The following BCDIN3D variants were observed in gnomAD, a reference collection of about 807,000 sequenced individuals.
The protein encoded by BCDIN3D is RNA 5'-monophosphate methyltransferase.
A neutral mutation model predicts 21.2 loss-of-function variants in BCDIN3D; 15 were observed. The ratio of observed to expected loss-of-function variants is 0.71; its 90% confidence interval spans 0.47 to 1.09. The LOEUF (loss-of-function observed/expected upper bound fraction) is 1.09, where lower values mean the gene tolerates loss of function less well. BCDIN3D is among the 50% of genes least tolerant of loss of function. The pLI is 0.00. For synonymous variants in BCDIN3D, 127 were observed against 141.9 expected, an observed-to-expected ratio of 0.90 and a Z score of 0.75; for missense variants, 331 against 366.2, an observed-to-expected ratio of 0.90 and a Z score of 0.79.
chr12:49,839,889 T>C (rs969176287), intron 1 of BCDIN3D: 3 of 152,252 alleles, frequency 2.0e-5, no homozygotes, highest in African/African-American at 7.2e-5. Flanking sequence ...GGTTTCACCA[T>C]GTTGGCCAGG....
At position 49,839,023 on chromosome 12, in the gene BCDIN3D, A is replaced by T. The variant is rs772434005; in HGVS notation, c.235-8T>A. ...TAGAGCCACACTCAGATCCTAGAGG[A>T]ATCCAAAACAGCTTTGTCACTGCAG... On this transcript the variant is annotated splice_region_variant and splice_polypyrimidine_tract_variant and intron_variant, in intron 1 of 1. Transcript: ENST00000333924. 2.9e-5 allele frequency: 46 copies of T among 1,603,964 alleles called. No individual in the cohort carries two copies. In the South Asian group the frequency reaches 5.1e-4, roughly 18 times the overall value.
Position 49,838,507 on chromosome 12 carries a change from C to A in BCDIN3D, c.743G>T (p.Cys248Phe), listed in dbSNP as rs867006890. The change falls in exon 2 of 2, where the codon TGT (cysteine) becomes TTT (phenylalanine). Residue 248 changes from cysteine to phenylalanine, a missense_variant. By Grantham distance (205) the Cys-to-Phe change is radical. Transcript: ENST00000333924. The part of the protein sequence containing the change: ...LTQDHGMELI[C>F]CFGNTSWDRS... ...GTCCCAACTGGTGTTGCCAAAGCAACATATTAATTCCATGCCATGATCCTG... is the reference window on the plus strand; with the variant it reads ...GTCCCAACTGGTGTTGCCAAAGCAAAATATTAATTCCATGCCATGATCCTG... The A allele has an allele frequency of 6.2e-7, 1 of 1,614,158 alleles. No homozygotes were observed. Among genetic ancestry groups the A allele is most frequent in the African/African-American group, 1.3e-5 (1 of 75,004 alleles).
rs1249394538 is a variant in BCDIN3D, at chr12:49,838,735, A to G, written c.515T>C (p.Leu172Pro). Reference sequence around the variant, plus strand: ...CCATAGGCCATGGTCTCCATGATTCAGATGAATCCACATGGTTATTGACAT... The same window carrying G: ...CCATAGGCCATGGTCTCCATGATTCGGATGAATCCACATGGTTATTGACAT... ...FCMSITMWIHLNHGDHGLWEF... is the reference protein window; with the variant it reads ...FCMSITMWIHPNHGDHGLWEF... Residue 172 changes from leucine (L) to proline (P), a missense_variant, in exon 2 of 2, where the codon CTG (leucine) becomes CCG (proline). Transcript: ENST00000333924. 2 of 1,614,234 alleles carry G rather than the reference A, an allele frequency of 1.2e-6. No individual in the cohort carries two copies. The highest frequency in any genetic ancestry group is 2.7e-5 in the African/African-American group (2 of 75,064).
At position 49,838,390 on chromosome 12, in the gene BCDIN3D, A is replaced by C; in HGVS notation, c.860T>G (p.Leu287Ter). The C allele has an allele frequency of 1.2e-6, 2 of 1,605,268 alleles. No homozygotes were observed. Among genetic ancestry groups the C allele is most frequent in the South Asian group, 2.2e-5 (2 of 90,986 alleles). ...CCCATCTCACTGCTTCTGGAAACTT[A>C]ATCTGTTCTTTTCTTTCCCTTTTTC... ...LIEKGKEKNR[L>*]SFQKQ The change falls in exon 2 of 2, where the codon TTA (leucine) becomes TGA (stop). Residue 287 changes from leucine to a stop codon, truncating the protein, a stop_gained. Transcript: ENST00000333924. LOFTEE classifies it high-confidence loss of function.
rs1157120416 is a variant in BCDIN3D at position 49,837,454 on chromosome 12, A to AT, written c.*916dup. On this transcript the variant is annotated 3_prime_UTR_variant, in exon 2 of 2. Transcript: ENST00000333924. ...AGGCGCCCGCCACTACGCCCGGCTA[A>AT]TTTTTTGTATTTTTAGTAGAGACGG... The AT allele has an allele frequency of 6.6e-6, 1 of 151,118 alleles. No individual in the cohort carries two copies. Among genetic ancestry groups the AT allele is most frequent in the African/African-American group, 2.4e-5 (1 of 41,032 alleles). 9.4% of individuals were successfully genotyped at this position (151,118 alleles called of 1,614,324 possible). A position where few individuals can be genotyped will look rare whatever the true frequency, so the allele number is the denominator to read the frequency against.
Position 49,836,177 on chromosome 12 carries a change from C to T in BCDIN3D, c.*2194G>A, listed in dbSNP as rs774193521. The T allele has an allele frequency of 1.3e-5, 2 of 152,194 alleles. No individual in the cohort carries two copies. Among genetic ancestry groups the T allele is most frequent in the Non-Finnish European group, 2.9e-5 (2 of 68,046 alleles). 9.4% of individuals were successfully genotyped at this position (152,194 alleles called of 1,614,324 possible). Reference sequence around the variant, plus strand: ...GCTTTTTCTAACTTCTAGAAGCCACCTGCATTCCTTGACTTGCAGCCCTTC... The same window carrying T: ...GCTTTTTCTAACTTCTAGAAGCCACTTGCATTCCTTGACTTGCAGCCCTTC... On this transcript the variant is annotated 3_prime_UTR_variant, in exon 2 of 2. Transcript: ENST00000333924.
At chr12:49,842,755 A>G in intron 1 of BCDIN3D, 99 bp downstream of exon 1, 2 of 1,093,850 alleles carry the variant, frequency 1.8e-6, no homozygotes, top group Non-Finnish European at 1.3e-6. Flanking sequence ...TCGTTTTGGG[A>G]AAGTTTCGAT....
At chr12:49,839,234 T>G (rs907723960) in intron 1 of BCDIN3D, 23 of 536,748 alleles carry the variant, frequency 4.3e-5, no homozygotes, top group Non-Finnish European at 7.3e-5. Flanking sequence ...CCCCATATTT[T>G]CCTGACACTG....
chr12:49,838,547 C>T lies in BCDIN3D; in HGVS notation c.703G>A (p.Val235Met), dbSNP rs765641655. The change falls in exon 2 of 2, where the codon GTG (valine) becomes ATG (methionine). Residue 235 changes from valine (V) to methionine (M), a missense_variant. By Grantham distance (21) the Val-to-Met change is conservative. Coordinates refer to ENST00000333924, the MANE Select transcript of BCDIN3D (RefSeq NM_181708.3). Reference protein sequence around the residue: ...AIRGDMPNQIVQILTQDHGME... With the variant: ...AIRGDMPNQIMQILTQDHGME... ...CCATGATCCTGGGTCAAGATCTGCA[C>T]AATCTGATTGGGCATGTCACCTCGG... The T allele has an allele frequency of 6.2e-7, 1 of 1,614,160 alleles. No individual in the cohort carries two copies. The highest frequency in any genetic ancestry group is 1.1e-5 in the South Asian group (1 of 91,090).
chr12:49,842,736 G>T lies in BCDIN3D; in HGVS notation c.234+118C>A, dbSNP rs895311368. 5.4e-6 allele frequency: 5 copies of T among 928,934 alleles called. No homozygotes were observed. The South Asian group carries it at 8.0e-5, about 15-fold the overall frequency. 57.5% of individuals were successfully genotyped at this position (928,934 alleles called of 1,614,324 possible). On this transcript the variant is annotated intron_variant, in intron 1 of 1. Transcript: ENST00000333924. ...GCGGCACTGGCTCAGTCAAAGCCAC[G>T]CTTTATACTCGTTTTGGGAAAGTTT... is the stretch of plus-strand genomic sequence containing the variant.
intron 1 of BCDIN3D, 190 bp downstream of exon 1, chr12:49,842,662 CAA>C: frequency 1.7e-6 from 1 of 592,476 alleles, no homozygotes; most frequent in Non-Finnish European, 3.0e-6. Flanking sequence ...GACTCCTCTC[CAA>C]GAGAGATTCC....
rs1491584039 is a variant in BCDIN3D at position 49,837,305 on chromosome 12, T to TTTTC, written c.*1065_*1066insGAAA. ...TTTTTGTTTTTTTTTTTTTTTTTTT[T>TTTTC]GAGACGGAGTCTCGCTCTGTCGCCC... On this transcript the variant is annotated 3_prime_UTR_variant, in exon 2 of 2. Transcript: ENST00000333924. The TTTTC allele has an allele frequency of 1.9e-5, 2 of 103,138 alleles. No homozygotes were observed. Among genetic ancestry groups the TTTTC allele is most frequent in the South Asian group, 3.2e-4 (1 of 3,110 alleles). 6.4% of individuals were successfully genotyped at this position (103,138 alleles called of 1,614,324 possible).
intron 1 of BCDIN3D, chr12:49,842,640 G>A (rs1477010024): frequency 3.8e-6 from 2 of 532,318 alleles, no homozygotes; most frequent in African/African-American, 2.0e-5. Flanking sequence ...AAGTGGGAAC[G>A]TAGTCGACAA....
chr12:49,841,557 G>A (rs116064230), intron 1 of BCDIN3D, among the ~76,000 whole-genome samples: 4 of 152,070 alleles, frequency 2.6e-5, no homozygotes, highest in African/African-American at 9.7e-5. Context: ...AATGCCTTTC[G>A]TGAAATCCCA....
rs986617762 is a variant in BCDIN3D at position 49,837,280 on chromosome 12, T to G, written c.*1091A>C. 8.7e-6 allele frequency: 1 copy of G among 115,370 alleles called. No individual in the cohort carries two copies. The highest frequency in any genetic ancestry group is 2.5e-4 in the South Asian group (1 of 3,984). 7.1% of individuals were successfully genotyped at this position (115,370 alleles called of 1,614,324 possible). On this transcript the variant is annotated 3_prime_UTR_variant, in exon 2 of 2. Transcript: ENST00000333924. The stretch of plus-strand genomic sequence containing the variant: ...ATAAGCATGTAGGTAGTTGTTTTTT[T>G]TTTTGTTTTTTTTTTTTTTTTTTTT...
At chr12:49,840,540 C>T (rs1946544928) in intron 1 of BCDIN3D, 1 of 152,218 alleles carries the variant, frequency 6.6e-6, no homozygotes. Context: ...ATTTTTGAGA[C>T]AGGATCTTAC....
In BCDIN3D at chr12:49,838,209, G is replaced by T; in HGVS notation, c.*162C>A. 1 of 680,554 alleles carries T rather than the reference G, an allele frequency of 1.5e-6. No individual in the cohort carries two copies. The highest frequency in any genetic ancestry group is 2.7e-5 in the East Asian group (1 of 36,736). The allele number at this position is 680,554 out of a possible 1,614,324, so 42.2% of individuals were successfully genotyped here. On this transcript the variant is annotated 3_prime_UTR_variant, in exon 2 of 2. Coordinates refer to ENST00000333924, the MANE Select transcript of BCDIN3D (RefSeq NM_181708.3). Reference sequence around the variant, plus strand: ...TCCTCAAGATTTGTTCCAAACAATGGGGAACAGATACTGATTCTTTCAATT... The same window carrying T: ...TCCTCAAGATTTGTTCCAAACAATGTGGAACAGATACTGATTCTTTCAATT...
rs1946509849 is a variant in BCDIN3D, at chr12:49,836,979, A to G, written c.*1392T>C. On this transcript the variant is annotated 3_prime_UTR_variant, in exon 2 of 2. Coordinates refer to ENST00000333924, the MANE Select transcript of BCDIN3D (RefSeq NM_181708.3). The stretch of plus-strand genomic sequence containing the variant: ...CTCCCACCAGGCACCGGACACATGT[A>G]TGGAATGAAACTTACATGTAATTGA... The G allele has an allele frequency of 1.3e-5, 2 of 152,256 alleles. No individual in the cohort carries two copies. The highest frequency in any genetic ancestry group is 2.9e-5 in the Non-Finnish European group (2 of 68,046). 9.4% of individuals were successfully genotyped at this position (152,256 alleles called of 1,614,324 possible).
chr12:49,842,599 C>G (rs774086323), intron 1 of BCDIN3D: 2 of 459,408 alleles, frequency 4.4e-6, no homozygotes, highest in Non-Finnish European at 7.8e-6. Flanking sequence ...ATACAAGGAC[C>G]GTTCCCACCT....
Sources: allele counts gnomAD v4.1 joint callset (sites outside exome capture counted in the v4.1 genomes callset), GRCh38; gene constraint gnomAD v4.1.1; transcripts MANE v1.5; gene names NCBI Gene and HGNC (gene_info 2026-07-23, HGNC 2026-07-21).